Variants in MACROD2 observed in about 807,000 individuals in gnomAD.
MACROD2 encodes ADP-ribose glycohydrolase MACROD2.
A neutral mutation model predicts 70.4 loss-of-function variants in MACROD2; 36 were observed. The ratio of observed to expected loss-of-function variants is 0.51; its 90% CI spans 0.39 to 0.68. MACROD2 has a LOEUF of 0.68. MACROD2 is among the 30% of genes least tolerant of loss of function. MACROD2 has a pLI of 0.00. For missense variants in MACROD2, 496 were observed against 538.4 expected, an observed-to-expected ratio of 0.92 and a Z score of 0.78; for synonymous variants, 172 against 178.8, an observed-to-expected ratio of 0.96 and a Z score of 0.30.
chr20:15,403,681 T>C (rs976212507), intron 6 of MACROD2, among the ~76,000 whole-genome samples: 2 of 150,886 alleles, frequency 1.3e-5, no homozygotes, highest in African/African-American at 2.5e-5. Flanking sequence ...TTTATAAAAA[T>C]TTTTGTCTCT....
At chr20:14,511,142 T>C (rs1474882176) in intron 4 of MACROD2, among the ~76,000 whole-genome samples, 2 of 152,112 alleles carry the variant, frequency 1.3e-5, no homozygotes, top group Admixed American at 6.6e-5. Flanking sequence ...CTGATGCTTT[T>C]GGTTATCAAG....
chr20:14,338,264 G>T (rs1359042309), intron 3 of MACROD2, among the ~76,000 whole-genome samples: 1 of 152,156 alleles, frequency 6.6e-6, no homozygotes. Flanking sequence ...CTGTTTGGGA[G>T]GCTGAGGCAG....
chr20:15,128,881 T>C (rs937933116), intron 5 of MACROD2, among the ~76,000 whole-genome samples: 31 of 151,908 alleles, frequency 2.0e-4, no homozygotes, highest in African/African-American at 7.5e-4. Context: ...TGCTATGTCA[T>C]TGAAAAGTGC....
intron 5 of MACROD2, among the ~76,000 whole-genome samples, chr20:15,157,819 C>A (rs2076320190): frequency 1.3e-5 from 2 of 151,904 alleles, no homozygotes; most frequent in Admixed American, 1.3e-4. Flanking sequence ...TGGCTGTATC[C>A]CTCTTCAGAA....
At chr20:14,854,792 G>A (rs1286998956) in intron 5 of MACROD2, among the ~76,000 whole-genome samples, 1 of 152,106 alleles carries the variant, frequency 6.6e-6, no homozygotes, top group East Asian at 1.9e-4. Context: ...CGAGGCGGGT[G>A]GATCACAAGG....
At chr20:14,826,037 GAT>G (rs2072898684) in intron 5 of MACROD2, among the ~76,000 whole-genome samples, 2 of 152,104 alleles carry the variant, frequency 1.3e-5, no homozygotes, top group African/African-American at 4.8e-5. Flanking sequence ...TATCAATACA[GAT>G]GTGGAACTAA....
intron 2 of MACROD2, among the ~76,000 whole-genome samples, chr20:14,017,913 T>C (rs2148621813): frequency 6.6e-6 from 1 of 152,326 alleles, no homozygotes; most frequent in East Asian, 1.9e-4. Context: ...AGTCAAGCTA[T>C]GTGGTCTTGG....
At chr20:14,935,822 A>G (rs778030174) in intron 5 of MACROD2, among the ~76,000 whole-genome samples, 25 of 152,148 alleles carry the variant, frequency 1.6e-4, no homozygotes, top group Non-Finnish European at 2.8e-4. Context: ...TTTACAAATG[A>G]TTGTTTGACT....
chr20:16,046,237 A>G (rs2067379214), intron 17 of MACROD2, among the ~76,000 whole-genome samples: 1 of 152,216 alleles, frequency 6.6e-6, no homozygotes, highest in Admixed American at 6.5e-5. Context: ...TGAATATCCT[A>G]TAAAACTAAA....
intron 3 of MACROD2, among the ~76,000 whole-genome samples, chr20:14,342,082 A>G (rs1021494033): frequency 1.3e-5 from 2 of 152,212 alleles, no homozygotes; most frequent in African/African-American, 4.8e-5. Flanking sequence ...ACTTGATCAC[A>G]GGTTCATTCC....
intron 5 of MACROD2, among the ~76,000 whole-genome samples, chr20:14,690,703 T>A (rs1345352122): frequency 1.3e-5 from 2 of 152,184 alleles, no homozygotes; most frequent in Non-Finnish European, 2.9e-5. Context: ...CTGTTAGGTG[T>A]TAGCCAGGCC....
chr20:15,448,129 C>T (rs1019695957), intron 7 of MACROD2, among the ~76,000 whole-genome samples: 1 of 152,036 alleles, frequency 6.6e-6, no homozygotes, highest in Non-Finnish European at 1.5e-5. Flanking sequence ...AGGAGAGTTC[C>T]CTAGGAGTGG....
chr20:14,087,173 T>C (rs555733996), intron 3 of MACROD2, among the ~76,000 whole-genome samples: 17 of 152,068 alleles, frequency 1.1e-4, no homozygotes, highest in African/African-American at 4.1e-4. Flanking sequence ...ATTGGGTAGA[T>C]CACTTGAAGG....
intron 2 of MACROD2, among the ~76,000 whole-genome samples, chr20:14,007,869 A>T (rs2052844403): frequency 6.6e-6 from 1 of 152,188 alleles, no homozygotes; most frequent in Non-Finnish European, 1.5e-5. Context: ...TTGAGTAATT[A>T]CTTTTAATGT....
intron 5 of MACROD2, among the ~76,000 whole-genome samples, chr20:15,221,567 C>A (rs922307434): frequency 1.3e-5 from 2 of 152,094 alleles, no homozygotes; most frequent in Admixed American, 1.3e-4. Context: ...AAAAAGGGAC[C>A]CTTACATGTA....
chr20:15,199,367 AAAAC>A (rs914049043), intron 5 of MACROD2, among the ~76,000 whole-genome samples: 9 of 152,128 alleles, frequency 5.9e-5, no homozygotes, highest in African/African-American at 2.2e-4. Context: ...AAAAAAACAA[AAAAC>A]AAACAACAAC....
At chr20:14,942,398 CCTT>C (rs955442028) in intron 5 of MACROD2, among the ~76,000 whole-genome samples, 14 of 151,356 alleles carry the variant, frequency 9.2e-5, no homozygotes, top group Non-Finnish European at 1.8e-4. Context: ...TTCTCCTTCT[CCTT>C]CTTCTTCTCC....
intron 8 of MACROD2, among the ~76,000 whole-genome samples, chr20:15,507,593 C>T (rs16995845): frequency 0.039 from 5,896 of 151,610 alleles, 132 homozygotes; most frequent in South Asian, 0.046. Flanking sequence ...CTGTCATTGT[C>T]GGGATTTGTG....
chr20:15,651,423 C>T (rs776783052), intron 8 of MACROD2, among the ~76,000 whole-genome samples: 1 of 152,166 alleles, frequency 6.6e-6, no homozygotes, highest in Non-Finnish European at 1.5e-5. Flanking sequence ...AACATATGCT[C>T]TGTGACCCAG....
Sources: allele counts gnomAD v4.1 joint callset (sites outside exome capture counted in the v4.1 genomes callset), GRCh38; gene constraint gnomAD v4.1.1; transcripts MANE v1.5; gene names NCBI Gene and HGNC (gene_info 2026-07-23, HGNC 2026-07-21).